The following BTBD9 variants were observed in gnomAD, a reference collection of about 807,000 sequenced individuals.
The protein encoded by BTBD9 is BTB/POZ domain-containing protein 9.
Under a neutral mutation model 64.3 loss-of-function variants are expected in BTBD9, and 49 were observed. The ratio of observed to expected loss-of-function variants is 0.76; its 90% CI spans 0.61 to 0.97. The LOEUF is 0.97. BTBD9 is among the 50% of genes least tolerant of loss of function. The pLI is 0.00. For synonymous variants in BTBD9, 260 were observed against 274.7 expected, an observed-to-expected ratio of 0.95 and a Z score of 0.53; for missense variants, 598 against 762.1, an observed-to-expected ratio of 0.78 and a Z score of 2.53.
chr6:38,361,436 C>T (rs895837814), intron 6 of BTBD9, among the ~76,000 whole-genome samples: 10 of 152,062 alleles, frequency 6.6e-5, no homozygotes, highest in African/African-American at 2.4e-4. Flanking sequence ...ATAGTCCTAG[C>T]TACTGGAGGG....
intron 6 of BTBD9, among the ~76,000 whole-genome samples, chr6:38,417,772 C>T (rs936650031): frequency 1.6e-4 from 12 of 73,554 alleles, no homozygotes; most frequent in African/African-American, 8.8e-4. Context: ...CACCCTGTCT[C>T]GAGGAGAGAG....
At chr6:38,407,227 T>C (rs1204201472) in intron 6 of BTBD9, among the ~76,000 whole-genome samples, 2 of 152,244 alleles carry the variant, frequency 1.3e-5, no homozygotes, top group East Asian at 1.9e-4. Flanking sequence ...CATCTGTTGA[T>C]CACATATAAA....
At chr6:38,460,325 A>T (rs150241538) in intron 6 of BTBD9, among the ~76,000 whole-genome samples, 12 of 152,328 alleles carry the variant, frequency 7.9e-5, no homozygotes, top group Admixed American at 1.3e-4. Context: ...AAATGATCAA[A>T]CCAGTCTGCC....
chr6:38,176,098 G>A (rs1344624653), intron 10 of BTBD9, among the ~76,000 whole-genome samples: 3 of 152,210 alleles, frequency 2.0e-5, no homozygotes, highest in Non-Finnish European at 4.4e-5. Context: ...GCCCTGACCT[G>A]GAGAGTAGAC....
chr6:38,260,960 C>T (rs1561940193), intron 8 of BTBD9, among the ~76,000 whole-genome samples: 2 of 151,366 alleles, frequency 1.3e-5, no homozygotes, highest in South Asian at 4.2e-4. Context: ...TCTTTGGAAA[C>T]AGGGTTTTGC....
At chr6:38,317,382 A>G (rs1443112795) in intron 7 of BTBD9, among the ~76,000 whole-genome samples, 1 of 152,010 alleles carries the variant, frequency 6.6e-6, no homozygotes, top group Non-Finnish European at 1.5e-5. Context: ...ACTGAGCTCC[A>G]CTGTATGTTA....
At chr6:38,275,270 G>C (rs1765343281) in intron 8 of BTBD9, among the ~76,000 whole-genome samples, 1 of 151,690 alleles carries the variant, frequency 6.6e-6, no homozygotes, top group Non-Finnish European at 1.5e-5. Context: ...TTTAATAAAT[G>C]GTGCTGGGAA....
At position 38,171,846 on chromosome 6, in the gene BTBD9, CAAAAAAAAAAAAAAAAAAAAAAAAAAA is replaced by C. The variant is rs869155666; in HGVS notation, c.*3112_*3138del. 1 of 79,238 alleles carries C rather than the reference CAAAAAAAAAAAAAAAAAAAAAAAAAAA, an allele frequency of 1.3e-5. No homozygotes were observed. The highest frequency in any genetic ancestry group is 5.5e-5 in the African/African-American group (1 of 18,304). 4.9% of individuals were successfully genotyped at this position (79,238 alleles called of 1,614,324 possible). ...TCCAATGAAGTTGCCTTTCTACTCT[CAAAAAAAAAAAAAAAAAAAAAAAAAAA>C]AAAAAAAAATAATAATAATAATAAT... On this transcript the variant is annotated 3_prime_UTR_variant, in exon 11 of 11. Transcript: ENST00000481247.
At chr6:38,408,402 C>A (rs1582380535) in intron 6 of BTBD9, among the ~76,000 whole-genome samples, 1 of 152,106 alleles carries the variant, frequency 6.6e-6, no homozygotes, top group South Asian at 2.1e-4. Context: ...TCTCTTACTT[C>A]CTTTGCCTAC....
intron 7 of BTBD9, among the ~76,000 whole-genome samples, chr6:38,296,563 T>C (rs1195164882): frequency 6.6e-6 from 1 of 152,152 alleles, no homozygotes; most frequent in Non-Finnish European, 1.5e-5. Flanking sequence ...TCTAAAAAAA[T>C]GTATTTAAAG....
At chr6:38,532,971 C>A (rs1316848928) in intron 6 of BTBD9, among the ~76,000 whole-genome samples, 1 of 151,688 alleles carries the variant, frequency 6.6e-6, no homozygotes, top group Non-Finnish European at 1.5e-5. Context: ...AAAAGGAAGA[C>A]AGGAATGAAG....
At chr6:38,333,246 A>G (rs973639345) in intron 7 of BTBD9, among the ~76,000 whole-genome samples, 1 of 152,206 alleles carries the variant, frequency 6.6e-6, no homozygotes, top group African/African-American at 2.4e-5. Context: ...ATGATGTAAA[A>G]AGAAAGGGCA....
intron 3 of BTBD9, among the ~76,000 whole-genome samples, chr6:38,593,329 A>AT (rs1776892263): frequency 6.6e-6 from 1 of 152,226 alleles, no homozygotes; most frequent in Admixed American, 6.5e-5. Context: ...AAAATTAAGT[A>AT]GAAAAAAATG....
intron 6 of BTBD9, among the ~76,000 whole-genome samples, chr6:38,452,712 C>A (rs115996745): frequency 1.0e-3 from 157 of 151,830 alleles, no homozygotes; most frequent in African/African-American, 3.5e-3. Context: ...AAAAGGGGTG[C>A]CATGAAGTGA....
rs1419419330 is a variant in BTBD9, at chr6:38,170,261, C to A, written c.*4724G>T. On this transcript the variant is annotated 3_prime_UTR_variant, in exon 11 of 11. Coordinates refer to ENST00000481247, the MANE Select transcript of BTBD9 (RefSeq NM_001099272.2). ...TCCATGCACCTGTCCCCTGCCTCTG[C>A]ATGAGCCCAGCAGAAAATCCTAGCT... 6.6e-6 allele frequency: 1 copy of A among 152,424 alleles called. No individual in the cohort carries two copies. The highest frequency in any genetic ancestry group is 1.9e-4 in the East Asian group (1 of 5,196). 9.4% of individuals were successfully genotyped at this position (152,424 alleles called of 1,614,324 possible).
chr6:38,351,233 T>G (rs1764492709), intron 6 of BTBD9, among the ~76,000 whole-genome samples: 1 of 152,188 alleles, frequency 6.6e-6, no homozygotes, highest in Non-Finnish European at 1.5e-5. Context: ...GAGGAAGGAT[T>G]ATTGAAAGGT....
At chr6:38,177,252 C>T (rs1471816180) in intron 10 of BTBD9, among the ~76,000 whole-genome samples, 1 of 152,216 alleles carries the variant, frequency 6.6e-6, no homozygotes, top group Non-Finnish European at 1.5e-5. Flanking sequence ...TACCTTTTCT[C>T]AAGCTCACTC....
chr6:38,285,320 G>T (rs893305994), intron 8 of BTBD9, among the ~76,000 whole-genome samples: 1 of 152,190 alleles, frequency 6.6e-6, no homozygotes, highest in South Asian at 2.1e-4. Flanking sequence ...GACTGGATGA[G>T]AGAGGAAGGT....
At chr6:38,428,891 A>G (rs1158923245) in intron 6 of BTBD9, among the ~76,000 whole-genome samples, 1 of 151,086 alleles carries the variant, frequency 6.6e-6, no homozygotes, top group Non-Finnish European at 1.5e-5. Context: ...TTGTATGTTT[A>G]GTAGAGACGG....
Sources: gnomAD v4.1 joint callset for allele counts (sites outside exome capture counted in the v4.1 genomes callset) on GRCh38, gnomAD v4.1.1 for gene constraint, MANE v1.5 for transcripts, NCBI Gene and HGNC (gene_info 2026-07-23, HGNC 2026-07-21) for gene names.